PRKG1: variants seen among roughly 807,000 people sequenced by gnomAD.
PRKG1 encodes the protein cGMP-dependent protein kinase 1.
A neutral mutation model predicts 88.1 loss-of-function variants in PRKG1; 35 were observed. The ratio of observed to expected loss-of-function variants is 0.40; its 90% CI spans 0.30 to 0.53. The LOEUF is 0.53. Among genes scored for constraint, PRKG1 ranks in the 20% least tolerant of loss-of-function variants. The pLI is 0.59. For missense variants in PRKG1, 540 were observed against 839.8 expected (o/e 0.64, Z 4.41); for synonymous variants, 303 against 292.5 (o/e 1.04, Z -0.37).
At chr10:51,407,824 C>T (rs1304762251) in intron 2 of PRKG1, among the ~76,000 whole-genome samples, 1 of 152,168 alleles carries the variant, frequency 6.6e-6, no homozygotes, top group Non-Finnish European at 1.5e-5. Context: ...TCTTCCTTAC[C>T]TCCATTGTGG....
chr10:51,950,712 C>A (rs1239593578), intron 5 of PRKG1, among the ~76,000 whole-genome samples: 5 of 152,260 alleles, frequency 3.3e-5, no homozygotes, highest in Admixed American at 6.5e-5. Flanking sequence ...TGCACGTCAG[C>A]AGCTCAGTCA....
intron 8 of PRKG1, among the ~76,000 whole-genome samples, chr10:52,157,702 C>A (rs1197012579): frequency 6.6e-6 from 1 of 151,372 alleles, no homozygotes; most frequent in African/African-American, 2.4e-5. Flanking sequence ...TAAATGTCAC[C>A]ATTCTTAGTG....
chr10:51,384,136 G>C (rs1837188772), intron 2 of PRKG1, among the ~76,000 whole-genome samples: 1 of 151,970 alleles, frequency 6.6e-6, no homozygotes, highest in South Asian at 2.1e-4. Flanking sequence ...CTTCTTCAAA[G>C]ACCAGAGATG....
intron 3 of PRKG1, among the ~76,000 whole-genome samples, chr10:51,492,877 A>G (rs1306079031): frequency 3.9e-5 from 6 of 152,190 alleles, no homozygotes; most frequent in African/African-American, 1.4e-4. Context: ...GACAAGTGTT[A>G]GCCTGCACAT....
Position 51,183,699 on chromosome 10 carries a change from A to G in PRKG1, c.478+30369A>G, listed in dbSNP as rs1837411336. On this transcript the variant is annotated intron_variant, in intron 2 of 17. Coordinates refer to ENST00000373980, the MANE Select transcript of PRKG1 (RefSeq NM_006258.4). ...CATTGCATTTTTTTTCTACTTGCCT[A>G]TATTTATATATCTGTATATTAATCT... 3.9e-5 allele frequency among the ~76,000 whole-genome samples: 6 copies of G among 152,240 alleles called. No homozygotes were observed. The South Asian group carries it at 1.2e-3, about 32-fold the overall frequency.
intron 3 of PRKG1, among the ~76,000 whole-genome samples, chr10:51,678,226 G>T (rs1048591252): frequency 1.3e-5 from 2 of 152,094 alleles, no homozygotes; most frequent in Admixed American, 6.6e-5. Flanking sequence ...ACACGCTGGG[G>T]CTCCCTACAA....
intron 2 of PRKG1, among the ~76,000 whole-genome samples, chr10:51,396,192 C>A (rs1837571637): frequency 6.6e-6 from 1 of 151,920 alleles, no homozygotes; most frequent in Non-Finnish European, 1.5e-5. Flanking sequence ...TTGAGATCAG[C>A]CTGGGTTTCA....
Position 51,699,069 on chromosome 10 carries a change from T to C in PRKG1, c.593-105516T>C, listed in dbSNP as rs752331075. 3.7e-6 allele frequency: 6 copies of C among 1,614,126 alleles called. No individual in the cohort carries two copies. The East Asian group carries it at 1.1e-4, about 30-fold the overall frequency. ...GCCAGTTGTGGATTTTGAAGTAACA[T>C]GTTTCGAGCTTCCTGGTGGCTGTTT... On this transcript the variant is annotated intron_variant, in intron 3 of 17. Transcript: ENST00000373980.
At chr10:52,051,791 C>T (rs1393629857) in intron 5 of PRKG1, among the ~76,000 whole-genome samples, 1 of 152,180 alleles carries the variant, frequency 6.6e-6, no homozygotes, top group African/African-American at 2.4e-5. Context: ...GGGAAGCTCC[C>T]TTCCATGAGG....
At chr10:52,152,827 T>C (rs1837972749) in intron 8 of PRKG1, among the ~76,000 whole-genome samples, 1 of 152,170 alleles carries the variant, frequency 6.6e-6, no homozygotes, top group Admixed American at 6.5e-5. Context: ...TTATTGAAGT[T>C]AGAATATACA....
intron 2 of PRKG1, among the ~76,000 whole-genome samples, chr10:51,202,745 A>G (rs754162006): frequency 4.6e-5 from 7 of 152,190 alleles, no homozygotes; most frequent in Non-Finnish European, 8.8e-5. Context: ...TTCGTTTGAG[A>G]ATTGCAAGTA....
In PRKG1 at chr10:52,293,884, G is replaced by T. The variant is rs201962623; in HGVS notation, c.2045G>T (p.Trp682Leu). The change falls in exon 18 of 18, where the codon TGG becomes TTG. Residue 682 changes from tryptophan (W) to leucine (L), a missense_variant. This residue lies in a region of PRKG1 where 26 missense variants were observed against 18.4 expected (regional missense o/e 1.41). Coordinates refer to ENST00000373980, the MANE Select transcript of PRKG1 (RefSeq NM_006258.4). ...DEPPPDDNSG[W>L]DIDF Reference sequence around the variant, plus strand: ...CCACCACCTGATGACAACTCAGGATGGGATATAGACTTCTAATGTATTTCT... The same window carrying T: ...CCACCACCTGATGACAACTCAGGATTGGATATAGACTTCTAATGTATTTCT... The T allele has an allele frequency of 1.2e-6, 2 of 1,610,890 alleles. No individual in the cohort carries two copies. Among genetic ancestry groups the T allele is most frequent in the African/African-American group, 1.3e-5 (1 of 74,804 alleles).
intron 3 of PRKG1, among the ~76,000 whole-genome samples, chr10:51,601,278 A>C (rs527612244): frequency 4.6e-5 from 7 of 152,302 alleles, no homozygotes; most frequent in African/African-American, 1.7e-4. Flanking sequence ...TTTGTGATTG[A>C]GTCCAAGACT....
chr10:52,116,674 G>A (rs1315664835), intron 7 of PRKG1, among the ~76,000 whole-genome samples: 2 of 152,106 alleles, frequency 1.3e-5, no homozygotes, highest in East Asian at 3.9e-4. Flanking sequence ...GAGTGAACAA[G>A]AATCTATTGG....
intron 8 of PRKG1, 71 bp downstream of exon 8, chr10:52,133,976 C>A: frequency 1.7e-6 from 2 of 1,210,164 alleles, no homozygotes; most frequent in Non-Finnish European, 2.4e-6. Context: ...TGGAATTAGA[C>A]ATCATTTTAT....
intron 3 of PRKG1, among the ~76,000 whole-genome samples, chr10:51,631,942 C>G (rs1046454984): frequency 7.2e-5 from 11 of 152,168 alleles, no homozygotes; most frequent in African/African-American, 2.7e-4. Flanking sequence ...AAGCAGGTTA[C>G]AAGTTTCTCC....
chr10:51,023,282 A>G (rs1252031190), intron 1 of PRKG1, among the ~76,000 whole-genome samples: 4 of 152,194 alleles, frequency 2.6e-5, no homozygotes, highest in Admixed American at 1.3e-4. Flanking sequence ...TTCTGCCACT[A>G]TGAAACATTG....
intron 3 of PRKG1, among the ~76,000 whole-genome samples, chr10:51,764,715 A>G (rs1838111136): frequency 6.6e-6 from 1 of 152,154 alleles, no homozygotes; most frequent in Admixed American, 6.5e-5. Flanking sequence ...AAGTCAATTT[A>G]TGCTTACTAT....
intron 1 of PRKG1, among the ~76,000 whole-genome samples, chr10:51,004,417 C>T (rs2132718000): frequency 6.6e-6 from 1 of 152,270 alleles, no homozygotes; most frequent in East Asian, 1.9e-4. Flanking sequence ...CAAGATTGTG[C>T]CATTGCACTC....
Sources: allele counts gnomAD v4.1 joint callset (sites outside exome capture counted in the v4.1 genomes callset), GRCh38; gene constraint gnomAD v4.1.1; regional missense constraint gnomAD v4.1.1; transcripts MANE v1.5; gene names NCBI Gene and HGNC (gene_info 2026-07-23, HGNC 2026-07-21).